MALRD1: variants seen among roughly 807,000 people sequenced by gnomAD.
The protein encoded by MALRD1 is MAM and LDL receptor class A domain containing 1, also known as MAM and LDL-receptor class A domain-containing protein 1.
In MALRD1, 247 loss-of-function variants were observed where a neutral mutation model predicts 242.1. That is an observed-to-expected ratio of 1.02 (90% CI 0.92 to 1.13). The LOEUF is 1.13. Ranked by LOEUF, MALRD1 falls within the 50% of genes most tolerant of loss-of-function variation. MALRD1 has a pLI of 0.00. For synonymous variants in MALRD1, 995 were observed against 866.6 expected (o/e 1.15, Z -2.60); for missense variants, 2,989 against 2,533.1 (o/e 1.18, Z -3.86).
intron 19 of MALRD1, among the ~76,000 whole-genome samples, chr10:19,268,927 A>G (rs1840079833): frequency 6.6e-6 from 1 of 152,200 alleles, no homozygotes; most frequent in Non-Finnish European, 1.5e-5. Flanking sequence ...TGACAGATGT[A>G]CAGGTAGTTT....
intron 32 of MALRD1, among the ~76,000 whole-genome samples, chr10:19,536,397 A>C (rs530469178): frequency 5.3e-5 from 8 of 151,780 alleles, no homozygotes; most frequent in South Asian, 4.2e-4. Context: ...CATGTGCACA[A>C]CGTGCAGGTT....
chr10:19,591,562 T>C (rs866589365), intron 33 of MALRD1, among the ~76,000 whole-genome samples: 1 of 148,558 alleles, frequency 6.7e-6, no homozygotes, highest in Non-Finnish European at 1.5e-5. Flanking sequence ...GCAGTTGCAC[T>C]ATCTTGGCTC....
chr10:19,719,254 ATATATGC>A (rs1834626748), intron 38 of MALRD1, among the ~76,000 whole-genome samples: 1 of 132,814 alleles, frequency 7.5e-6, no homozygotes, highest in Admixed American at 7.8e-5. Context: ...ATATATATAT[ATATATGC>A]TATCAAATAT....
At chr10:19,311,780 T>A (rs182898714) in intron 21 of MALRD1, among the ~76,000 whole-genome samples, 1 of 151,424 alleles carries the variant, frequency 6.6e-6, no homozygotes, top group African/African-American at 2.4e-5. Context: ...CATGTTCAAA[T>A]CAAAGTTTCC....
intron 23 of MALRD1, among the ~76,000 whole-genome samples, chr10:19,330,514 A>G (rs980344668): frequency 2.6e-5 from 4 of 152,188 alleles, no homozygotes; most frequent in East Asian, 1.9e-4. Flanking sequence ...AAATATCTCA[A>G]TATTTCTTAT....
chr10:19,238,856 T>C (rs1838624638), intron 18 of MALRD1, among the ~76,000 whole-genome samples: 1 of 151,648 alleles, frequency 6.6e-6, no homozygotes, highest in Admixed American at 6.6e-5. Flanking sequence ...GTGTAAGTGT[T>C]CCCTTTTCTC....
At chr10:19,475,543 AG>A (rs1405155355) in intron 29 of MALRD1, among the ~76,000 whole-genome samples, 19 of 152,242 alleles carry the variant, frequency 1.2e-4, no homozygotes, top group Non-Finnish European at 8.8e-5. Context: ...CTCAGTTCAC[AG>A]CAAACCTATT....
At chr10:19,132,845 G>A (rs1222046103) in intron 8 of MALRD1, among the ~76,000 whole-genome samples, 1 of 152,098 alleles carries the variant, frequency 6.6e-6, no homozygotes, top group Non-Finnish European at 1.5e-5. Flanking sequence ...ATAAAAATAA[G>A]ATTTCAGAGC....
intron 18 of MALRD1, among the ~76,000 whole-genome samples, chr10:19,211,128 T>A (rs895675728): frequency 1.3e-5 from 2 of 152,164 alleles, no homozygotes; most frequent in African/African-American, 4.8e-5. Context: ...CTTCTTATGA[T>A]ATTTACTCAA....
intron 38 of MALRD1, among the ~76,000 whole-genome samples, chr10:19,700,869 T>C (rs1004965135): frequency 6.6e-6 from 1 of 152,150 alleles, no homozygotes; most frequent in African/African-American, 2.4e-5. Context: ...GAGAGAAGGA[T>C]TCCCTCAGGC....
intron 26 of MALRD1, among the ~76,000 whole-genome samples, chr10:19,375,330 ACAGCTAATGTATACC>A (rs1845549790): frequency 6.6e-6 from 1 of 152,204 alleles, no homozygotes; most frequent in Admixed American, 6.5e-5. Flanking sequence ...GCAAAGTTAG[ACAGCTAATGTATACC>A]CAGATATAAG....
intron 26 of MALRD1, among the ~76,000 whole-genome samples, chr10:19,371,106 A>AG (rs1454653678): frequency 5.3e-5 from 8 of 150,006 alleles, no homozygotes; most frequent in South Asian, 2.1e-4. Flanking sequence ...AAAAAAAAAA[A>AG]AAAAGAAAAA....
chr10:19,571,692 T>C (rs1314484957), intron 33 of MALRD1, among the ~76,000 whole-genome samples: 1 of 146,498 alleles, frequency 6.8e-6, no homozygotes, highest in Non-Finnish European at 1.5e-5. Context: ...AGAAATTAAA[T>C]AGATTTTTTT....
intron 32 of MALRD1, among the ~76,000 whole-genome samples, chr10:19,545,981 C>T (rs576686551): frequency 2.6e-5 from 4 of 152,208 alleles, no homozygotes; most frequent in Non-Finnish European, 5.9e-5. Context: ...TTCATATTTG[C>T]CTGTTAGGTA....
chr10:19,539,912 GCGCA>G (rs1217566815), intron 32 of MALRD1, among the ~76,000 whole-genome samples: 1,934 of 115,578 alleles, frequency 0.017, 63 homozygotes, highest in African/African-American at 0.062. Flanking sequence ...GCGCGCGTGC[GCGCA>G]CACACGCGCA....
chr10:19,661,716 A>G (rs964205754), intron 36 of MALRD1, among the ~76,000 whole-genome samples: 4 of 152,158 alleles, frequency 2.6e-5, no homozygotes, highest in African/African-American at 9.7e-5. Flanking sequence ...GCACACCAAC[A>G]TGACACCTGT....
rs1835413727 is a variant in MALRD1, at chr10:19,734,448, G to C, written c.*211G>C. ...AGTACCTTATCTTCACTGAACATCT[G>C]AATATTTTAATAAAATTTCTATTTA... On this transcript the variant is annotated 3_prime_UTR_variant, in exon 40 of 40. Transcript: ENST00000454679. 1.7e-5 allele frequency: 6 copies of C among 354,538 alleles called. No individual in the cohort carries two copies. In the East Asian group the frequency reaches 1.7e-4, roughly 10 times the overall value. The allele number at this position is 354,538 out of a possible 1,614,324, so 22.0% of individuals were successfully genotyped here.
chr10:19,117,072 G>A (rs1192205271), intron 5 of MALRD1, among the ~76,000 whole-genome samples: 3 of 149,830 alleles, frequency 2.0e-5, no homozygotes, highest in African/African-American at 7.4e-5. Context: ...TCCAGCCTGG[G>A]CAACAGAGTG....
chr10:19,390,105 T>C (rs1313321814), intron 28 of MALRD1, among the ~76,000 whole-genome samples: 1 of 152,210 alleles, frequency 6.6e-6, no homozygotes, highest in East Asian at 1.9e-4. Context: ...GAGTTCAACA[T>C]CATATCCTGT....
Sources: gnomAD v4.1 joint callset for allele counts (sites outside exome capture counted in the v4.1 genomes callset) on GRCh38, gnomAD v4.1.1 for gene constraint, MANE v1.5 for transcripts, NCBI Gene and HGNC (gene_info 2026-07-23, HGNC 2026-07-21) for gene names.